The following GNA15 variants were observed in gnomAD, a reference collection of about 807,000 sequenced individuals.
GNA15 encodes G protein subunit alpha 15.
In GNA15, 23 loss-of-function variants were observed where a neutral mutation model predicts 40.1. The observed-to-expected ratio is 0.57, with a 90% CI of 0.41 to 0.81. GNA15 has a LOEUF of 0.81. Ranked by LOEUF, GNA15 falls within the 40% of genes least tolerant of loss-of-function variation. The pLI is 0.00. For missense variants in GNA15, 522 were observed against 515.8 expected (o/e 1.01, Z -0.12); for synonymous variants, 226 against 210.4 (o/e 1.07, Z -0.64).
chr19:3,147,844 C>G (rs1234986833), intron 1 of GNA15, among the ~76,000 whole-genome samples: 2 of 144,714 alleles, frequency 1.4e-5, no homozygotes, highest in Non-Finnish European at 1.5e-5. Context: ...GCCGAGGTCG[C>G]GCCACTGCAC....
At position 3,136,322 on chromosome 19, in the gene GNA15, A is replaced by C; in HGVS notation, c.-129A>C. 1 of 913,518 alleles carries C rather than the reference A, an allele frequency of 1.1e-6. No individual in the cohort carries two copies. 56.6% of individuals were successfully genotyped at this position (913,518 alleles called of 1,614,324 possible). A position where few individuals can be genotyped will look rare whatever the true frequency, so the allele number is the denominator to read the frequency against. Reference sequence around the variant, plus strand: ...CTAGGTCCCTGGGGGGTGACCCCCAAGGAAAAGGCAGCCTCCCTGCGCACC... The same window carrying C: ...CTAGGTCCCTGGGGGGTGACCCCCACGGAAAAGGCAGCCTCCCTGCGCACC... On this transcript the variant is annotated 5_prime_UTR_variant, in exon 1 of 7. Transcript: ENST00000262958. The surrounding 1 kb of genome is among the most constrained non-coding windows in gnomAD (Gnocchi z 4.9).
intron 1 of GNA15, among the ~76,000 whole-genome samples, chr19:3,143,614 C>CG (rs1914627967): frequency 3.3e-5 from 5 of 152,076 alleles, no homozygotes; most frequent in Non-Finnish European, 7.3e-5. Context: ...TATCAAGCCA[C>CG]TGCACTCTAG....
Position 3,162,986 on chromosome 19 carries a change from C to T in GNA15, c.1092C>T (p.Leu364=), listed in dbSNP as rs35676040. 4,030 of 1,613,794 alleles carry T rather than the reference C, an allele frequency of 2.5e-3. 90 individuals carry two copies. The African/African-American group carries it at 0.043, about 17-fold the overall frequency. Residue 364 remains leucine (L), a synonymous_variant, in exon 7 of 7, where the codon CTC becomes CTT. Coordinates refer to ENST00000262958, the MANE Select transcript of GNA15 (RefSeq NM_002068.4). ...KVFKDVRDSV[L]ARYLDEINLL ...TCAAGGACGTGCGGGACTCGGTGCT[C>T]GCCCGCTACCTGGACGAGATCAACC...
chr19:3,154,612 A>G (rs1382259636), intron 4 of GNA15, among the ~76,000 whole-genome samples: 2 of 145,180 alleles, frequency 1.4e-5, no homozygotes, highest in Middle Eastern at 3.6e-3. Flanking sequence ...GGATAGATGG[A>G]TGGATGAGTG....
At position 3,155,833 on chromosome 19, in the gene GNA15, G is replaced by A. The variant is rs748777205; in HGVS notation, c.625G>A (p.Val209Ile). The part of the protein sequence containing the change: ...VQKTNLRIVD[V>I]GGQKSERKKW... ...CTCGGTTCCCTGTAGGATCGTGGACGTCGGGGGCCAGAAGTCAGAGCGTAA... is the reference window on the plus strand; with the variant it reads ...CTCGGTTCCCTGTAGGATCGTGGACATCGGGGGCCAGAAGTCAGAGCGTAA... The change falls in exon 5 of 7, where the codon GTC becomes ATC. Residue 209 changes from valine to isoleucine, a missense_variant. By Grantham distance (29) the Val-to-Ile change is conservative. Coordinates refer to ENST00000262958, the MANE Select transcript of GNA15 (RefSeq NM_002068.4). The surrounding 1 kb of genome is among the most constrained non-coding windows in gnomAD (Gnocchi z 5.6). 6.2e-7 allele frequency: 1 copy of A among 1,613,358 alleles called. No individual in the cohort carries two copies. The highest frequency in any genetic ancestry group is 2.2e-5 in the East Asian group (1 of 44,882).
chr19:3,156,006 T>A, intron 5 of GNA15, 54 bp downstream of exon 5: 3 of 1,551,050 alleles, frequency 1.9e-6, no homozygotes, highest in Non-Finnish European at 2.7e-6. Context: ...GACCCTCACC[T>A]GAGCAGGAAG....
intron 6 of GNA15, 51 bp downstream of exon 6, chr19:3,157,932 G>A (rs747841343): frequency 3.8e-5 from 52 of 1,382,200 alleles, no homozygotes; most frequent in Non-Finnish European, 4.9e-5. Context: ...AAGCAGCTCC[G>A]AAGAGAGATG....
Position 3,162,735 on chromosome 19 carries a change from A to C in GNA15, c.899-58A>C. Reference sequence around the variant, plus strand: ...TGGTTACAGGGAAGAGGGTCTCCAGAGGCCCCCTGGGTCCAAAGAGGGAGG... The same window carrying C: ...TGGTTACAGGGAAGAGGGTCTCCAGCGGCCCCCTGGGTCCAAAGAGGGAGG... On this transcript the variant is annotated intron_variant, in intron 6 of 6. Transcript: ENST00000262958. The C allele has an allele frequency of 6.0e-6, 7 of 1,166,078 alleles. No individual in the cohort carries two copies. The South Asian group carries it at 8.8e-5, about 15-fold the overall frequency. The allele number at this position is 1,166,078 out of a possible 1,614,324, so 72.2% of individuals were successfully genotyped here. A position where few individuals can be genotyped will look rare whatever the true frequency, so the allele number is the denominator to read the frequency against.
intron 1 of GNA15, among the ~76,000 whole-genome samples, chr19:3,144,664 A>G (rs1251451651): frequency 3.8e-4 from 49 of 128,920 alleles, no homozygotes; most frequent in South Asian, 2.7e-3. Flanking sequence ...AAGTAGCTGG[A>G]ACTACAGGCG....
chr19:3,162,170 G>A (rs1414233701), intron 6 of GNA15, among the ~76,000 whole-genome samples: 1 of 152,042 alleles, frequency 6.6e-6, no homozygotes, highest in Non-Finnish European at 1.5e-5. Context: ...TGGGCACAGT[G>A]GCTCACGCCT....
rs1568297132 is a variant in GNA15 at position 3,151,442 on chromosome 19, CG to C, written c.486-260del. 6.6e-6 allele frequency among the ~76,000 whole-genome samples: 1 copy of C among 152,070 alleles called. No homozygotes were observed. Among genetic ancestry groups the C allele is most frequent in the Admixed American group, 6.6e-5 (1 of 15,256 alleles). On this transcript the variant is annotated intron_variant, in intron 3 of 6. Transcript: ENST00000262958. The surrounding 1 kb of genome is among the most constrained non-coding windows in gnomAD (Gnocchi z 5.0). Reference sequence around the variant, plus strand: ...GCCACCCCTGCCATAGCAGCTCTCCCGGGGGACACCACTCCTCGATGAGGCC... The same window carrying C: ...GCCACCCCTGCCATAGCAGCTCTCCCGGGGACACCACTCCTCGATGAGGCC...
intron 5 of GNA15, among the ~76,000 whole-genome samples, chr19:3,156,192 A>AGTG (rs1358436361): frequency 2.1e-4 from 20 of 95,750 alleles, no homozygotes; most frequent in South Asian, 2.0e-3. Context: ...ACACACACAC[A>AGTG]CACACACACA....
rs530494842 is a variant in GNA15, at chr19:3,141,133, C to A, written c.145+4538C>A. Among the ~76,000 whole-genome samples, 11 of 152,038 alleles carry A rather than the reference C, an allele frequency of 7.2e-5. No individual in the cohort carries two copies. In the East Asian group the frequency reaches 2.1e-3, roughly 29 times the overall value. ...TGGGTCTGTCCCTGACATGAAGCAA[C>A]CCTCATATTGGGGAAGGGGGAGAGT... On this transcript the variant is annotated intron_variant, in intron 1 of 6. Coordinates refer to ENST00000262958, the MANE Select transcript of GNA15 (RefSeq NM_002068.4).
At chr19:3,158,345 G>T (rs1339037747) in intron 6 of GNA15, among the ~76,000 whole-genome samples, 1 of 151,898 alleles carries the variant, frequency 6.6e-6, no homozygotes, top group Non-Finnish European at 1.5e-5. Flanking sequence ...GAAAAGACGG[G>T]ATTTCACCAT....
chr19:3,156,300 T>C (rs1467882290), intron 5 of GNA15, among the ~76,000 whole-genome samples: 2 of 150,040 alleles, frequency 1.3e-5, no homozygotes, highest in Non-Finnish European at 2.9e-5. Context: ...ACGGGACACA[T>C]GTACACACGC....
intron 6 of GNA15, among the ~76,000 whole-genome samples, chr19:3,158,912 C>A (rs562174609): frequency 6.6e-6 from 1 of 152,258 alleles, no homozygotes; most frequent in Admixed American, 6.5e-5. Flanking sequence ...GGATTACGGG[C>A]GTGAGCCACC....
chr19:3,138,354 C>T (rs1480851643), intron 1 of GNA15, among the ~76,000 whole-genome samples: 1 of 56,260 alleles, frequency 1.8e-5, no homozygotes, highest in African/African-American at 8.0e-5. Flanking sequence ...TGATTATGGC[C>T]CCGTTGGCCT....
intron 2 of GNA15, chr19:3,149,058 TACAC>T (rs146739028): frequency 0.085 from 34,609 of 408,170 alleles, 2,022 homozygotes; most frequent in Non-Finnish European, 0.11. Flanking sequence ...CTCACAAAGA[TACAC>T]ACGCATGCCC....
chr19:3,144,445 C>T (rs1478047244), intron 1 of GNA15, among the ~76,000 whole-genome samples: 1 of 152,186 alleles, frequency 6.6e-6, no homozygotes, highest in African/African-American at 2.4e-5. Flanking sequence ...GAAGCTCTCA[C>T]AGCTCTGCAT....
Sources: gnomAD v4.1 joint callset for allele counts (sites outside exome capture counted in the v4.1 genomes callset) on GRCh38, gnomAD v4.1.1 for gene constraint, Gnocchi (gnomAD v3.1) non-coding constraint, MANE v1.5 for transcripts, NCBI Gene and HGNC (gene_info 2026-07-23, HGNC 2026-07-21) for gene names.